IKZF2: variants seen among roughly 807,000 people sequenced by gnomAD.
The protein encoded by IKZF2 is IKAROS family zinc finger 2, also known as zinc finger protein Helios.
A neutral mutation model predicts 49.2 loss-of-function variants in IKZF2; 15 were observed. The observed-to-expected ratio is 0.30, with a 90% CI of 0.20 to 0.47. The LOEUF is 0.47. Ranked by LOEUF, IKZF2 falls within the 20% of genes least tolerant of loss-of-function variation. The probability of loss-of-function intolerance (pLI) is 1.00; values close to 1 mark genes in which losing one functional copy is unlikely to be tolerated. For missense variants in IKZF2, 567 were observed against 664.6 expected (o/e 0.85, Z 1.61); for synonymous variants, 227 against 221.4 (o/e 1.03, Z -0.23).
intron 1 of IKZF2, chr2:213,150,478 G>A (rs75083189): frequency 3.8e-4 from 38 of 100,396 alleles, no homozygotes; most frequent in Admixed American, 1.0e-3. Flanking sequence ...CCTCCTCCTC[G>A]TCCTCCTCCT....
intron 4 of IKZF2, among the ~76,000 whole-genome samples, chr2:213,135,722 G>C (rs924854946): frequency 6.6e-6 from 1 of 151,204 alleles, no homozygotes; most frequent in Non-Finnish European, 1.5e-5. Context: ...AAAAGGAAAG[G>C]AAGAAAAGAA....
At chr2:213,044,152 T>C (rs1265731101) in intron 6 of IKZF2, among the ~76,000 whole-genome samples, 1 of 152,154 alleles carries the variant, frequency 6.6e-6, no homozygotes, top group African/African-American at 2.4e-5. Flanking sequence ...TAGCAAAGGC[T>C]ACATTCTTCT....
At chr2:213,072,068 T>C (rs764679453) in intron 4 of IKZF2, among the ~76,000 whole-genome samples, 1 of 152,102 alleles carries the variant, frequency 6.6e-6, no homozygotes, top group Non-Finnish European at 1.5e-5. Flanking sequence ...ATGCTGATAA[T>C]AGTTGCAAGC....
At chr2:213,083,126 C>T (rs1264142900) in intron 4 of IKZF2, among the ~76,000 whole-genome samples, 1 of 152,072 alleles carries the variant, frequency 6.6e-6, no homozygotes, top group East Asian at 1.9e-4. Context: ...GTAAGACATG[C>T]TAAAATTAAA....
intron 4 of IKZF2, among the ~76,000 whole-genome samples, chr2:213,130,003 T>C (rs1411414747): frequency 6.6e-6 from 1 of 152,176 alleles, no homozygotes; most frequent in Non-Finnish European, 1.5e-5. Flanking sequence ...CATAAAGATA[T>C]ACAGGCTGCA....
intron 4 of IKZF2, among the ~76,000 whole-genome samples, chr2:213,130,995 C>T (rs1189742782): frequency 6.6e-6 from 1 of 152,112 alleles, no homozygotes; most frequent in African/African-American, 2.4e-5. Context: ...TGATTACAAA[C>T]AAATGCTTGT....
At chr2:213,113,064 T>A (rs1470967665) in intron 4 of IKZF2, among the ~76,000 whole-genome samples, 2 of 152,030 alleles carry the variant, frequency 1.3e-5, no homozygotes, top group African/African-American at 4.8e-5. Flanking sequence ...CTAAAAAAAA[T>A]AATTATGAGC....
intron 7 of IKZF2, chr2:213,021,487 C>A: frequency 3.9e-6 from 1 of 256,482 alleles, no homozygotes; most frequent in South Asian, 4.1e-5. Flanking sequence ...ATTTAGAGAT[C>A]AGGATGTTTT....
chr2:213,024,921 TATAAC>T (rs1436843802), intron 6 of IKZF2, among the ~76,000 whole-genome samples: 1 of 152,106 alleles, frequency 6.6e-6, no homozygotes, highest in Non-Finnish European at 1.5e-5. Context: ...AATTAATACA[TATAAC>T]ATATATATTC....
rs1307701165 is a variant in IKZF2, at chr2:213,003,260, C to T, written c.*4100G>A. ...AATTCAGGATTTAGGAGACCAGTTA[C>T]TGTATATTTTAATTATTTTGCAGAA... is the stretch of plus-strand genomic sequence containing the variant. On this transcript the variant is annotated 3_prime_UTR_variant, in exon 9 of 9. Coordinates refer to ENST00000434687, the MANE Select transcript of IKZF2 (RefSeq NM_001387220.1). The T allele has an allele frequency of 6.6e-5, 10 of 152,092 alleles. No homozygotes were observed. The highest frequency in any genetic ancestry group is 3.3e-4 in the Admixed American group (5 of 15,184). 9.4% of individuals were successfully genotyped at this position (152,092 alleles called of 1,614,324 possible).
intron 4 of IKZF2, among the ~76,000 whole-genome samples, chr2:213,058,254 A>G (rs1214374293): frequency 6.6e-6 from 1 of 152,084 alleles, no homozygotes; most frequent in African/African-American, 2.4e-5. Context: ...TGAACTAATT[A>G]TTTAAACTGA....
chr2:213,125,656 T>G (rs1192454165), intron 4 of IKZF2, among the ~76,000 whole-genome samples: 2 of 152,108 alleles, frequency 1.3e-5, no homozygotes, highest in Admixed American at 1.3e-4. Flanking sequence ...CCTAAGGATG[T>G]AAAGAAGGTA....
intron 4 of IKZF2, among the ~76,000 whole-genome samples, chr2:213,090,266 G>A (rs1174001411): frequency 6.6e-6 from 1 of 152,114 alleles, no homozygotes; most frequent in Non-Finnish European, 1.5e-5. Context: ...AGGCCAGTGC[G>A]GCCAGTAGTA....
At chr2:213,052,210 T>C (rs1420621809) in intron 5 of IKZF2, among the ~76,000 whole-genome samples, 1 of 151,992 alleles carries the variant, frequency 6.6e-6, no homozygotes, top group Admixed American at 6.6e-5. Flanking sequence ...TGGCGTAGAA[T>C]AAACAAAAGG....
chr2:213,058,246 A>G (rs1183429617), intron 4 of IKZF2, among the ~76,000 whole-genome samples: 1 of 152,086 alleles, frequency 6.6e-6, no homozygotes, highest in Non-Finnish European at 1.5e-5. Flanking sequence ...TATAATCTTG[A>G]ACTAATTATT....
chr2:213,018,532 G>A (rs1422246504), intron 7 of IKZF2, among the ~76,000 whole-genome samples: 2 of 151,842 alleles, frequency 1.3e-5, no homozygotes, highest in African/African-American at 4.8e-5. Flanking sequence ...CATACCCCCT[G>A]CCCCAGGTAG....
chr2:213,077,184 C>A (rs188729598), intron 4 of IKZF2, among the ~76,000 whole-genome samples: 202 of 152,198 alleles, frequency 1.3e-3, no homozygotes, highest in Admixed American at 3.1e-3. Flanking sequence ...AATTCTAACA[C>A]CAAATGAATA....
At position 213,011,230 on chromosome 2, in the gene IKZF2, C is replaced by A. The variant is rs564707734; in HGVS notation, c.856+2561G>T. ...AAAACAAGCACAGAGATTCTTTCAA[C>A]AATTTCATCTTTGAAGAAAAGGAGA... is the stretch of plus-strand genomic sequence containing the variant. On this transcript the variant is annotated intron_variant, in intron 8 of 8. Coordinates refer to ENST00000434687, the MANE Select transcript of IKZF2 (RefSeq NM_001387220.1). Among the ~76,000 whole-genome samples, 3 of 151,940 alleles carry A rather than the reference C, an allele frequency of 2.0e-5. No homozygotes were observed. In the South Asian group the frequency reaches 6.2e-4, roughly 32 times the overall value.
At chr2:213,031,340 A>G (rs1467423128) in intron 6 of IKZF2, among the ~76,000 whole-genome samples, 1 of 152,254 alleles carries the variant, frequency 6.6e-6, no homozygotes, top group African/African-American at 2.4e-5. Context: ...TTATAATGTA[A>G]TAACAATGTT....
Sources: allele counts gnomAD v4.1 joint callset (sites outside exome capture counted in the v4.1 genomes callset), GRCh38; gene constraint gnomAD v4.1.1; transcripts MANE v1.5; gene names NCBI Gene and HGNC (gene_info 2026-07-23, HGNC 2026-07-21).